The following EVI5 variants were observed in gnomAD, a reference collection of about 807,000 sequenced individuals.
EVI5 encodes ecotropic viral integration site 5.
A neutral mutation model predicts 112.0 loss-of-function variants in EVI5; 73 were observed. The ratio of observed to expected loss-of-function variants is 0.65; its 90% CI spans 0.54 to 0.79. The LOEUF is 0.79. EVI5 is among the 30% of genes least tolerant of loss of function. EVI5 has a pLI of 0.00. For synonymous variants in EVI5, 305 were observed against 319.9 expected (o/e 0.95, Z 0.50); for missense variants, 900 against 968.8 (o/e 0.93, Z 0.94).
At chr1:92,772,002 A>G (rs552557273) in intron 1 of EVI5, among the ~76,000 whole-genome samples, 2 of 151,802 alleles carry the variant, frequency 1.3e-5, no homozygotes, top group South Asian at 2.1e-4. Context: ...TTACAGGCAC[A>G]CACCACCACG....
chr1:92,618,962 A>G lies in EVI5; in HGVS notation c.1827+5214T>C, dbSNP rs557271159. On this transcript the variant is annotated intron_variant, in intron 16 of 19. Transcript: ENST00000684568. ...GGATTGGTGTGTTTCCAGGTGTACA[A>G]AGGATAGTTGTATTATGTTAGGCAT... 1.4e-4 allele frequency among the ~76,000 whole-genome samples: 22 copies of G among 152,296 alleles called. No homozygotes were observed. In the South Asian group the frequency reaches 2.3e-3, roughly 16 times the overall value.
chr1:92,702,278 C>A, intron 4 of EVI5, 63 bp from the exon 5 acceptor site: 4 of 833,978 alleles, frequency 4.8e-6, no homozygotes, highest in Non-Finnish European at 7.5e-6. Context: ...CTCCAAAAAA[C>A]CTAAAATTGG....
intron 16 of EVI5, among the ~76,000 whole-genome samples, chr1:92,608,138 G>A (rs1186943366): frequency 4.0e-5 from 6 of 149,670 alleles, no homozygotes; most frequent in African/African-American, 1.5e-4. Context: ...GCGACAGAGC[G>A]AGACTCCGTC....
intron 10 of EVI5, among the ~76,000 whole-genome samples, chr1:92,676,076 T>C (rs929520850): frequency 6.9e-6 from 1 of 144,228 alleles, no homozygotes; most frequent in Non-Finnish European, 1.5e-5. Context: ...TCTATATATA[T>C]AAAAAATGTG....
chr1:92,743,330 C>T (rs1363885646), intron 1 of EVI5, among the ~76,000 whole-genome samples: 1 of 151,438 alleles, frequency 6.6e-6, no homozygotes, highest in Non-Finnish European at 1.5e-5. Flanking sequence ...TCCAGCCTGG[C>T]GACAGAGCAA....
chr1:92,760,352 T>G (rs549058681), intron 1 of EVI5, among the ~76,000 whole-genome samples: 1 of 152,144 alleles, frequency 6.6e-6, no homozygotes, highest in Admixed American at 6.6e-5. Flanking sequence ...TCTTTTTTTC[T>G]TTTTTCCTGT....
chr1:92,642,258 T>C (rs1185386962), intron 13 of EVI5, among the ~76,000 whole-genome samples: 2 of 152,250 alleles, frequency 1.3e-5, no homozygotes, highest in African/African-American at 4.8e-5. Context: ...GTTGTTATTG[T>C]TGTTAATGCT....
In EVI5 at chr1:92,766,800, G is replaced by A. The variant is rs1298251266; in HGVS notation, c.-82+18036C>T. Among the ~76,000 whole-genome samples, 5 of 152,054 alleles carry A rather than the reference G, an allele frequency of 3.3e-5. No individual in the cohort carries two copies. In the East Asian group the frequency reaches 7.7e-4, roughly 23 times the overall value. On this transcript the variant is annotated intron_variant, in intron 1 of 19. Coordinates refer to ENST00000684568, the MANE Select transcript of EVI5 (RefSeq NM_001350197.2). ...AGAAATAAACAATTCATTAATTCTCGGCCAGGCGCAGTGATTCAAGCCTAT... is the reference window on the plus strand; with the variant it reads ...AGAAATAAACAATTCATTAATTCTCAGCCAGGCGCAGTGATTCAAGCCTAT...
At chr1:92,667,344 T>C (rs1255369096) in intron 10 of EVI5, among the ~76,000 whole-genome samples, 1 of 152,124 alleles carries the variant, frequency 6.6e-6, no homozygotes, top group South Asian at 2.1e-4. Context: ...TTATACAGTA[T>C]AGATGACAAG....
chr1:92,636,189 G>A lies in EVI5; in HGVS notation c.1527+13C>T. ...CTAATTTGGGAATGACTGCATTTGT[G>A]TAGGTTTCTTACCTTCTCTATATCC... On this transcript the variant is annotated intron_variant, in intron 14 of 19. Coordinates refer to ENST00000684568, the MANE Select transcript of EVI5 (RefSeq NM_001350197.2). The A allele has an allele frequency of 6.2e-7, 1 of 1,603,586 alleles. No individual in the cohort carries two copies.
intron 1 of EVI5, among the ~76,000 whole-genome samples, chr1:92,748,751 G>A (rs991497535): frequency 6.6e-6 from 1 of 151,900 alleles, no homozygotes; most frequent in African/African-American, 2.4e-5. Context: ...CTATGAGTAG[G>A]TACAAGTACA....
rs747609504 is a variant in EVI5 at position 92,693,912 on chromosome 1, T to C, written c.1000-13A>G. 11 of 1,318,458 alleles carry C rather than the reference T, an allele frequency of 8.3e-6. No individual in the cohort carries two copies. The highest frequency in any genetic ancestry group is 6.3e-5 in the Admixed American group (3 of 47,282). 81.7% of individuals were successfully genotyped at this position (1,318,458 alleles called of 1,614,324 possible). A position where few individuals can be genotyped will look rare whatever the true frequency, so the allele number is the denominator to read the frequency against. ...CCTTTTGAAAGTGCTAAGATACAAT[T>C]AAAAAAAAAACATAAGAATGACTTA... On this transcript the variant is annotated splice_polypyrimidine_tract_variant and intron_variant, in intron 8 of 19. Coordinates refer to ENST00000684568, the MANE Select transcript of EVI5 (RefSeq NM_001350197.2).
chr1:92,656,163 A>C (rs987273649), intron 13 of EVI5, among the ~76,000 whole-genome samples: 11 of 152,178 alleles, frequency 7.2e-5, no homozygotes, highest in Admixed American at 5.9e-4. Flanking sequence ...AACAAGTCTC[A>C]ATAAATTTTC....
At chr1:92,702,521 T>C (rs1468888692) in intron 4 of EVI5, among the ~76,000 whole-genome samples, 1 of 151,618 alleles carries the variant, frequency 6.6e-6, no homozygotes, top group African/African-American at 2.4e-5. Context: ...TCAAGTAAAA[T>C]TGAGCTGGGC....
chr1:92,560,238 A>G (rs970152723), intron 19 of EVI5, among the ~76,000 whole-genome samples: 1 of 152,248 alleles, frequency 6.6e-6, no homozygotes, highest in Non-Finnish European at 1.5e-5. Context: ...CTACAGCTAC[A>G]TTTTAAAATG....
At chr1:92,633,583 G>A (rs1572010800) in intron 14 of EVI5, among the ~76,000 whole-genome samples, 2 of 151,992 alleles carry the variant, frequency 1.3e-5, no homozygotes, top group Admixed American at 1.3e-4. Flanking sequence ...TGTGAGATGG[G>A]TTTCCTGAAT....
Position 92,702,130 on chromosome 1 carries a change from T to C in EVI5, c.639+11A>G, listed in dbSNP as rs201131752. The stretch of plus-strand genomic sequence containing the variant: ...AATTTCATTGGACATTTAATACTTA[T>C]ATTAACTTACCTGCATAAGCAACAA... On this transcript the variant is annotated intron_variant, in intron 5 of 19. Coordinates refer to ENST00000684568, the MANE Select transcript of EVI5 (RefSeq NM_001350197.2). 3.6e-6 allele frequency: 5 copies of C among 1,377,308 alleles called. No homozygotes were observed. Among genetic ancestry groups the C allele is most frequent in the South Asian group, 1.3e-5 (1 of 76,424 alleles). 85.3% of individuals were successfully genotyped at this position (1,377,308 alleles called of 1,614,324 possible).
chr1:92,735,848 TTA>T (rs1193972732), intron 2 of EVI5, among the ~76,000 whole-genome samples: 1 of 144,470 alleles, frequency 6.9e-6, no homozygotes, highest in Admixed American at 7.1e-5. Context: ...ATAATATATA[TTA>T]TATATATATA....
intron 2 of EVI5, among the ~76,000 whole-genome samples, chr1:92,712,714 A>G (rs2102624709): frequency 6.6e-6 from 1 of 152,200 alleles, no homozygotes; most frequent in East Asian, 1.9e-4. Context: ...AGACTTGAAA[A>G]TATCTATTTT....
Sources: gnomAD v4.1 joint callset for allele counts (sites outside exome capture counted in the v4.1 genomes callset) on GRCh38, gnomAD v4.1.1 for gene constraint, MANE v1.5 for transcripts, NCBI Gene and HGNC (gene_info 2026-07-23, HGNC 2026-07-21) for gene names.